The following MYO1B variants were observed in gnomAD, a reference collection of about 807,000 sequenced individuals.
MYO1B encodes the protein myosin IB, also known as unconventional myosin-Ib.
Under a neutral mutation model 159.7 loss-of-function variants are expected in MYO1B, and 72 were observed. The ratio of observed to expected loss-of-function variants is 0.45; its 90% CI spans 0.37 to 0.55. MYO1B has a LOEUF of 0.55. MYO1B is among the 20% of genes least tolerant of loss of function. The pLI, the probability that MYO1B is intolerant of heterozygous loss-of-function variation, is 0.00. For synonymous variants in MYO1B, 468 were observed against 473.8 expected, an observed-to-expected ratio of 0.99 and a Z score of 0.16; for missense variants, 1,062 against 1,364.8, an observed-to-expected ratio of 0.78 and a Z score of 3.50.
chr2:191,273,286 C>G (rs1448546977), intron 1 of MYO1B, among the ~76,000 whole-genome samples: 3 of 152,194 alleles, frequency 2.0e-5, no homozygotes, highest in South Asian at 4.2e-4. Flanking sequence ...TACCGCCTGG[C>G]TAATTTTTGT....
intron 1 of MYO1B, 68 bp from the exon 2 acceptor site, chr2:191,276,819 G>C: frequency 2.0e-6 from 3 of 1,520,632 alleles, no homozygotes; most frequent in Non-Finnish European, 2.7e-6. Context: ...GATTTCTGCA[G>C]TAGTGCCAAG....
chr2:191,415,372 A>G (rs1030983088), intron 29 of MYO1B, among the ~76,000 whole-genome samples: 12 of 152,158 alleles, frequency 7.9e-5, no homozygotes, highest in Admixed American at 7.2e-4. Flanking sequence ...TCTCTGGCCA[A>G]CCCTAAACTT....
intron 6 of MYO1B, 119 bp downstream of exon 6, chr2:191,346,401 C>A (rs1483958949): frequency 6.2e-6 from 4 of 649,938 alleles, no homozygotes; most frequent in Non-Finnish European, 9.6e-6. Flanking sequence ...GGAACATCAT[C>A]TCTATTGAAA....
chr2:191,388,276 CAA>C (rs1163456741), intron 17 of MYO1B: 37 of 106,052 alleles, frequency 3.5e-4, no homozygotes, highest in Admixed American at 5.9e-4. Context: ...GACTCCATCT[CAA>C]AAAAAAAAAA....
intron 18 of MYO1B, among the ~76,000 whole-genome samples, chr2:191,391,100 T>A (rs760399536): frequency 6.6e-6 from 1 of 152,224 alleles, no homozygotes; most frequent in Non-Finnish European, 1.5e-5. Context: ...CTGTGAGCTC[T>A]CCACAGGCAG....
chr2:191,403,151 G>C (rs1338069414), intron 24 of MYO1B, among the ~76,000 whole-genome samples: 2 of 152,150 alleles, frequency 1.3e-5, no homozygotes, highest in East Asian at 3.9e-4. Flanking sequence ...CTGCAGTAGA[G>C]CTTTCTTCAG....
Position 191,423,835 on chromosome 2 carries a change from A to G in MYO1B, c.3288-2A>G. On this transcript the variant is annotated splice_acceptor_variant, in intron 30 of 30. Transcript: ENST00000392318. LOFTEE classifies it high-confidence loss of function. ...TTAATTTGTTTTATTCTTTTCTCCT[A>G]GGTTCCTGGTACAGTTCAGACAGGA... The G allele has an allele frequency of 6.2e-7, 1 of 1,603,892 alleles. No individual in the cohort carries two copies. The highest frequency in any genetic ancestry group is 1.1e-5 in the South Asian group (1 of 89,188).
At chr2:191,340,615 G>A (rs1213134845) in intron 4 of MYO1B, among the ~76,000 whole-genome samples, 2 of 152,196 alleles carry the variant, frequency 1.3e-5, no homozygotes, top group Non-Finnish European at 2.9e-5. Context: ...ACCATGTCTG[G>A]AAAAGGCTGC....
chr2:191,377,265 T>C (rs1694769871), intron 13 of MYO1B, among the ~76,000 whole-genome samples: 1 of 152,208 alleles, frequency 6.6e-6, no homozygotes, highest in Non-Finnish European at 1.5e-5. Context: ...GGTTATGTAA[T>C]AGAAAGCCCA....
intron 1 of MYO1B, among the ~76,000 whole-genome samples, chr2:191,260,697 G>A (rs183112675): frequency 6.6e-6 from 1 of 152,198 alleles, no homozygotes; most frequent in African/African-American, 2.4e-5. Context: ...AAAGAAGTAT[G>A]TAATTTTAAA....
chr2:191,355,792 G>A (rs1040759617), intron 7 of MYO1B, among the ~76,000 whole-genome samples: 11 of 152,172 alleles, frequency 7.2e-5, no homozygotes, highest in African/African-American at 2.4e-4. Context: ...CACGCTGGGG[G>A]AGTTACTCTA....
At chr2:191,350,262 GA>G (rs1389759476) in intron 7 of MYO1B, 37 bp downstream of exon 7, 3 of 1,466,796 alleles carry the variant, frequency 2.0e-6, no homozygotes, top group Non-Finnish European at 2.9e-6. Context: ...AAGAAGTTCA[GA>G]ATACTAAAAC....
intron 14 of MYO1B, among the ~76,000 whole-genome samples, chr2:191,381,908 T>A (rs887798564): frequency 6.6e-6 from 1 of 152,208 alleles, no homozygotes; most frequent in African/African-American, 2.4e-5. Flanking sequence ...TTGAAAATAT[T>A]TTGAGACTTT....
intron 1 of MYO1B, among the ~76,000 whole-genome samples, chr2:191,264,306 A>G (rs1686996752): frequency 3.3e-5 from 5 of 152,204 alleles, no homozygotes; most frequent in Admixed American, 3.3e-4. Context: ...CTTTGTTTAC[A>G]TAGTTTATTG....
intron 3 of MYO1B, among the ~76,000 whole-genome samples, chr2:191,302,551 T>C (rs767366446): frequency 2.0e-5 from 3 of 152,242 alleles, no homozygotes; most frequent in Non-Finnish European, 4.4e-5. Context: ...TAAGTATTTG[T>C]TCAGCTTCGA....
intron 19 of MYO1B, among the ~76,000 whole-genome samples, 185 bp downstream of exon 19, chr2:191,392,386 G>A (rs1157597778): frequency 3.3e-5 from 5 of 152,148 alleles, no homozygotes; most frequent in African/African-American, 1.2e-4. Flanking sequence ...AGAAGAATGC[G>A]TATTTTTTAT....
intron 2 of MYO1B, among the ~76,000 whole-genome samples, chr2:191,279,519 A>G (rs1304028167): frequency 1.3e-5 from 2 of 152,098 alleles, no homozygotes; most frequent in Non-Finnish European, 2.9e-5. Context: ...TTGCTTTTGT[A>G]ATTAAAAAAA....
At position 191,296,154 on chromosome 2, in the gene MYO1B, C is replaced by T. The variant is rs1408319943; in HGVS notation, c.179C>T (p.Ser60Phe). ...SVVISVNPYR[S>F]LPIYSPEKVE... ...GTTATATCTGTTAACCCATACCGGT[C>T]TTTACCCATTTATTCACCAGAGAAA... Residue 60 changes from serine to phenylalanine, a missense_variant, in exon 3 of 31, where the codon TCT (serine) becomes TTT (phenylalanine). Coordinates refer to ENST00000392318, the MANE Select transcript of MYO1B (RefSeq NM_001130158.3). 1.2e-6 allele frequency: 2 copies of T among 1,609,360 alleles called. No individual in the cohort carries two copies. Among genetic ancestry groups the T allele is most frequent in the African/African-American group, 1.3e-5 (1 of 74,784 alleles).
chr2:191,402,882 A>AT (rs1257392412), intron 24 of MYO1B, among the ~76,000 whole-genome samples, 164 bp downstream of exon 24: 3 of 151,970 alleles, frequency 2.0e-5, no homozygotes, highest in Non-Finnish European at 4.4e-5. Context: ...CTATACACTA[A>AT]TTTTTTTCTG....
Sources: gnomAD v4.1 joint callset for allele counts (sites outside exome capture counted in the v4.1 genomes callset) on GRCh38, gnomAD v4.1.1 for gene constraint, MANE v1.5 for transcripts, NCBI Gene and HGNC (gene_info 2026-07-23, HGNC 2026-07-21) for gene names.